The following EEFSEC variants were observed in gnomAD, a reference collection of about 807,000 sequenced individuals.
The protein encoded by EEFSEC is selenocysteine-specific elongation factor.
Under a neutral mutation model 42.1 loss-of-function variants are expected in EEFSEC, and 43 were observed. That is an observed-to-expected ratio of 1.02 (90% CI 0.80 to 1.32). EEFSEC has a LOEUF of 1.32. EEFSEC is among the 40% of genes most tolerant of loss of function. The probability of loss-of-function intolerance (pLI) is 0.00; values close to 1 mark genes in which losing one functional copy is unlikely to be tolerated. For missense variants in EEFSEC, 745 were observed against 803.6 expected (o/e 0.93, Z 0.88); for synonymous variants, 354 against 339.1 (o/e 1.04, Z -0.48).
chr3:128,361,238 G>C (rs1199534056), intron 6 of EEFSEC, among the ~76,000 whole-genome samples: 1 of 152,176 alleles, frequency 6.6e-6, no homozygotes, highest in Non-Finnish European at 1.5e-5. Flanking sequence ...TGCAAGGTCA[G>C]ATGCCAGGAA....
At chr3:128,415,102 C>G in the EEFSEC span, among the ~76,000 whole-genome samples, 1 of 152,120 alleles carries the variant, frequency 6.6e-6, no homozygotes, top group Admixed American at 6.5e-5. Flanking sequence ...GTCCAAAACT[C>G]AGATACCCTT....
chr3:128,410,220 C>T (rs2068164640), downstream of EEFSEC, among the ~76,000 whole-genome samples: 2 of 152,222 alleles, frequency 1.3e-5, no homozygotes, highest in African/African-American at 4.8e-5. Context: ...AAACCTCCCT[C>T]CTCCTCAGTG....
At chr3:128,416,526 G>C in the EEFSEC span, among the ~76,000 whole-genome samples, 2 of 152,178 alleles carry the variant, frequency 1.3e-5, no homozygotes, top group Non-Finnish European at 1.5e-5. Flanking sequence ...AGGTGCAGCA[G>C]CTTGTCCCTG....
At chr3:128,426,042 TC>T in the EEFSEC span, among the ~76,000 whole-genome samples, 1 of 152,156 alleles carries the variant, frequency 6.6e-6, no homozygotes, top group Non-Finnish European at 1.5e-5. Flanking sequence ...CTTACAGTCA[TC>T]CCCTGTTCAA....
chr3:128,365,257 G>A (rs1168868274), intron 6 of EEFSEC, among the ~76,000 whole-genome samples: 1 of 152,162 alleles, frequency 6.6e-6, no homozygotes, highest in Non-Finnish European at 1.5e-5. Context: ...AGAGCCCTGG[G>A]CCAACACCCA....
chr3:128,319,232 C>T (rs928604811), intron 4 of EEFSEC, among the ~76,000 whole-genome samples: 3 of 152,222 alleles, frequency 2.0e-5, no homozygotes, highest in Non-Finnish European at 2.9e-5. Context: ...AAGTAGCAGG[C>T]CAGCGGGCGG....
At chr3:128,269,292 C>T (rs534835301) in intron 4 of EEFSEC, among the ~76,000 whole-genome samples, 5 of 152,376 alleles carry the variant, frequency 3.3e-5, no homozygotes, top group Non-Finnish European at 4.4e-5. Context: ...GCCTCTACTC[C>T]AGGGCAGGGC....
At chr3:128,340,450 A>G (rs73201462) in intron 4 of EEFSEC, among the ~76,000 whole-genome samples, 1 of 151,436 alleles carries the variant, frequency 6.6e-6, no homozygotes, top group Non-Finnish European at 1.5e-5. Context: ...ATTAATATAT[A>G]TAATTTTTCC....
intron 6 of EEFSEC, among the ~76,000 whole-genome samples, chr3:128,407,524 C>T (rs1205346791): frequency 2.6e-5 from 4 of 152,084 alleles, no homozygotes; most frequent in Non-Finnish European, 5.9e-5. Context: ...CTGCATATCC[C>T]ACTGAGGGCA....
chr3:128,394,926 C>T (rs2067963275), intron 6 of EEFSEC, among the ~76,000 whole-genome samples: 1 of 152,230 alleles, frequency 6.6e-6, no homozygotes, highest in South Asian at 2.1e-4. Context: ...GCCCTTCCTT[C>T]CCCTTGGCCA....
chr3:128,395,024 G>A (rs1027880412), intron 6 of EEFSEC, among the ~76,000 whole-genome samples: 2 of 152,196 alleles, frequency 1.3e-5, no homozygotes, highest in Non-Finnish European at 2.9e-5. Flanking sequence ...ATGCAGCGTT[G>A]GTCTCCACGG....
At chr3:128,370,743 G>T (rs926247376) in intron 6 of EEFSEC, among the ~76,000 whole-genome samples, 14 of 152,240 alleles carry the variant, frequency 9.2e-5, no homozygotes, top group Admixed American at 5.2e-4. Flanking sequence ...CCATCCCAGG[G>T]GGCACCGTTT....
downstream of EEFSEC, among the ~76,000 whole-genome samples, chr3:128,410,923 G>T (rs1466907368): frequency 6.6e-6 from 1 of 152,186 alleles, no homozygotes; most frequent in South Asian, 2.1e-4. Context: ...AGGAACTGAG[G>T]CACAGAGGCA....
intron 1 of EEFSEC, among the ~76,000 whole-genome samples, chr3:128,220,105 T>A (rs1038485131): frequency 6.6e-6 from 1 of 152,094 alleles, no homozygotes; most frequent in Non-Finnish European, 1.5e-5. Flanking sequence ...GGATTACAAC[T>A]CCTGGAGATG....
At chr3:128,358,421 A>G (rs2107589271) in intron 6 of EEFSEC, 48 bp downstream of exon 6, 1 of 1,601,150 alleles carries the variant, frequency 6.2e-7, no homozygotes, top group East Asian at 2.2e-5. Context: ...TGCAGGGCAC[A>G]GAGAGATGGC....
intron 4 of EEFSEC, among the ~76,000 whole-genome samples, chr3:128,270,840 C>T (rs1272161216): frequency 2.0e-5 from 3 of 152,136 alleles, no homozygotes; most frequent in Admixed American, 6.5e-5. Flanking sequence ...GGGCTCACAT[C>T]CTTTGGGTAG....
chr3:128,324,678 C>T (rs533019827), intron 4 of EEFSEC, among the ~76,000 whole-genome samples: 34 of 152,322 alleles, frequency 2.2e-4, no homozygotes, highest in Non-Finnish European at 4.4e-4. Context: ...CTGCTCTGCC[C>T]GCCTGTGGGG....
the EEFSEC span, among the ~76,000 whole-genome samples, chr3:128,416,028 G>A: frequency 6.6e-6 from 1 of 152,356 alleles, no homozygotes; most frequent in East Asian, 1.9e-4. Context: ...CTGGGTGCCT[G>A]TGTGGACACA....
intron 1 of EEFSEC, among the ~76,000 whole-genome samples, chr3:128,188,968 T>C (rs2065492557): frequency 6.6e-6 from 1 of 152,112 alleles, no homozygotes; most frequent in Admixed American, 6.5e-5. Context: ...GTAGGGGAGT[T>C]GGACAGGTAG....
Sources: allele counts gnomAD v4.1 joint callset (sites outside exome capture counted in the v4.1 genomes callset), GRCh38; gene constraint gnomAD v4.1.1; transcripts MANE v1.5; gene names NCBI Gene and HGNC (gene_info 2026-07-23, HGNC 2026-07-21).